EPHA6: variants seen among roughly 807,000 people sequenced by gnomAD.
EPHA6 encodes EPH receptor A6, also known as ephrin type-A receptor 6.
A neutral mutation model predicts 112.0 loss-of-function variants in EPHA6; 50 were observed. The ratio of observed to expected loss-of-function variants is 0.45; its 90% CI spans 0.36 to 0.56. EPHA6 has a LOEUF of 0.56. EPHA6 is among the 20% of genes least tolerant of loss of function. The pLI, the probability that EPHA6 is intolerant of heterozygous loss-of-function variation, is 0.00. For synonymous variants in EPHA6, 529 were observed against 490.7 expected (o/e 1.08, Z -1.03); for missense variants, 1,280 against 1,417.4 (o/e 0.90, Z 1.56).
chr3:96,975,760 C>CA (rs1483706160), intron 2 of EPHA6, among the ~76,000 whole-genome samples: 2 of 151,984 alleles, frequency 1.3e-5, no homozygotes, highest in African/African-American at 4.8e-5. Flanking sequence ...CTCCTTGATC[C>CA]AAAAAAGAGC....
intron 7 of EPHA6, among the ~76,000 whole-genome samples, chr3:97,451,906 G>A (rs1438228857): frequency 6.6e-6 from 1 of 151,824 alleles, no homozygotes; most frequent in Admixed American, 6.6e-5. Context: ...TCATAGAGAT[G>A]AGGTATGGGT....
chr3:97,266,167 G>A (rs1445554544), intron 5 of EPHA6, among the ~76,000 whole-genome samples: 1 of 152,100 alleles, frequency 6.6e-6, no homozygotes, highest in Non-Finnish European at 1.5e-5. Flanking sequence ...AAGGCTTTTA[G>A]ACTTCATAAA....
chr3:97,577,433 C>A (rs960649661), intron 11 of EPHA6, among the ~76,000 whole-genome samples: 9 of 152,076 alleles, frequency 5.9e-5, no homozygotes, highest in Non-Finnish European at 1.0e-4. Context: ...GTGAAACTTT[C>A]TTTCCTTCCT....
intron 14 of EPHA6, among the ~76,000 whole-genome samples, chr3:97,713,066 C>T (rs772478286): frequency 3.7e-4 from 56 of 150,514 alleles, no homozygotes; most frequent in Middle Eastern, 3.4e-3. Flanking sequence ...CAGATGGAAG[C>T]GTAGGCTTAG....
At chr3:96,857,103 G>C (rs1221134628) in intron 1 of EPHA6, among the ~76,000 whole-genome samples, 1 of 152,090 alleles carries the variant, frequency 6.6e-6, no homozygotes, top group Non-Finnish European at 1.5e-5. Flanking sequence ...TAAGAAAACT[G>C]ATCAATGTCT....
At position 97,068,809 on chromosome 3, in the gene EPHA6, G is replaced by A. The variant is rs574836652; in HGVS notation, c.1114+80816G>A. ...TGAGAGGCCCCACTCTCTTTCTACCGTCTGTGGACATAAGGAGAGATCTCC... is the reference window on the plus strand; with the variant it reads ...TGAGAGGCCCCACTCTCTTTCTACCATCTGTGGACATAAGGAGAGATCTCC... On this transcript the variant is annotated intron_variant, in intron 3 of 17. Coordinates refer to ENST00000389672, the MANE Select transcript of EPHA6 (RefSeq NM_001080448.3). 1.2e-4 allele frequency among the ~76,000 whole-genome samples: 18 copies of A among 152,118 alleles called. No individual in the cohort carries two copies. The East Asian group carries it at 1.4e-3, about 11-fold the overall frequency.
At chr3:97,239,847 T>C (rs1644460568) in intron 4 of EPHA6, among the ~76,000 whole-genome samples, 1 of 151,904 alleles carries the variant, frequency 6.6e-6, no homozygotes, top group Non-Finnish European at 1.5e-5. Context: ...ATGCATGTTG[T>C]TCAAGGGTCA....
intron 11 of EPHA6, among the ~76,000 whole-genome samples, chr3:97,545,868 T>C (rs1223452202): frequency 6.6e-6 from 1 of 152,214 alleles, no homozygotes; most frequent in Non-Finnish European, 1.5e-5. Flanking sequence ...GTCTGTTTTA[T>C]CAGAGACTAG....
chr3:97,404,530 A>C (rs577531264), intron 5 of EPHA6, among the ~76,000 whole-genome samples: 1 of 152,172 alleles, frequency 6.6e-6, no homozygotes, highest in African/African-American at 2.4e-5. Context: ...AGCTTAACAC[A>C]GATTATTTTA....
rs777074579 is a variant in EPHA6, at chr3:97,233,763, G to A, written c.1270+7344G>A. Among the ~76,000 whole-genome samples, 4 of 152,070 alleles carry A rather than the reference G, an allele frequency of 2.6e-5. No individual in the cohort carries two copies. The East Asian group carries it at 7.7e-4, about 29-fold the overall frequency. ...GAAGCATTTTTTGGTGTCAGGGGTA[G>A]AGAGAAAAGTAACTAAAAATTTCAA... On this transcript the variant is annotated intron_variant, in intron 4 of 17. Coordinates refer to ENST00000389672, the MANE Select transcript of EPHA6 (RefSeq NM_001080448.3).
chr3:96,831,417 C>G (rs937829551), intron 1 of EPHA6, among the ~76,000 whole-genome samples: 3 of 152,048 alleles, frequency 2.0e-5, no homozygotes, highest in African/African-American at 7.2e-5. Context: ...CAGCACCTGT[C>G]AAGTCTTAGT....
intron 14 of EPHA6, among the ~76,000 whole-genome samples, chr3:97,663,667 T>A (rs1207387820): frequency 1.3e-5 from 2 of 152,174 alleles, no homozygotes; most frequent in Non-Finnish European, 2.9e-5. Flanking sequence ...CATGAACTCA[T>A]CATTTTTTAT....
intron 13 of EPHA6, among the ~76,000 whole-genome samples, chr3:97,619,225 A>G (rs553842670): frequency 1.3e-5 from 2 of 152,220 alleles, no homozygotes; most frequent in African/African-American, 4.8e-5. Flanking sequence ...CCTTCATGTT[A>G]AAAACTCTCA....
intron 3 of EPHA6, among the ~76,000 whole-genome samples, chr3:97,223,740 C>T (rs1256138009): frequency 6.6e-6 from 1 of 152,098 alleles, no homozygotes; most frequent in Non-Finnish European, 1.5e-5. Context: ...AAAGCCTTAA[C>T]GGAGAAGGTG....
intron 14 of EPHA6, chr3:97,646,409 A>G (rs1188605388): frequency 1.9e-5 from 16 of 855,082 alleles, no homozygotes; most frequent in Non-Finnish European, 2.6e-5. Context: ...GAAGAATGAG[A>G]TTTACACCTA....
intron 3 of EPHA6, among the ~76,000 whole-genome samples, chr3:97,135,579 C>A (rs1646310076): frequency 6.6e-6 from 1 of 151,964 alleles, no homozygotes; most frequent in Non-Finnish European, 1.5e-5. Context: ...GACTCTCAAA[C>A]TTTAAAGTGT....
intron 2 of EPHA6, among the ~76,000 whole-genome samples, chr3:96,965,302 C>G (rs1484836451): frequency 6.6e-6 from 1 of 151,972 alleles, no homozygotes; most frequent in Non-Finnish European, 1.5e-5. Flanking sequence ...GCTTTAACAC[C>G]GTATAAGGCT....
chr3:97,632,032 A>G (rs564401956), intron 13 of EPHA6, among the ~76,000 whole-genome samples: 1 of 152,122 alleles, frequency 6.6e-6, no homozygotes, highest in South Asian at 2.1e-4. Flanking sequence ...TCTTCAGCAA[A>G]AATATAAAAA....
At chr3:96,979,617 G>A (rs1216028879) in intron 2 of EPHA6, among the ~76,000 whole-genome samples, 1 of 152,066 alleles carries the variant, frequency 6.6e-6, no homozygotes, top group East Asian at 1.9e-4. Context: ...ATCCTTGAGG[G>A]ATCGCCACAC....
Sources: gnomAD v4.1 joint callset for allele counts (sites outside exome capture counted in the v4.1 genomes callset) on GRCh38, gnomAD v4.1.1 for gene constraint, MANE v1.5 for transcripts, NCBI Gene and HGNC (gene_info 2026-07-23, HGNC 2026-07-21) for gene names.